ESR1: variants seen among roughly 807,000 people sequenced by gnomAD.
The protein encoded by ESR1 is estrogen receptor.
ESR1 carries 12 observed loss-of-function variants against 52.7 expected under a neutral mutation model. The observed-to-expected ratio is 0.23, with a 90% CI of 0.15 to 0.37. ESR1 has a LOEUF of 0.37. Ranked by LOEUF, ESR1 falls within the 10% of genes least tolerant of loss-of-function variation. The pLI, the probability that ESR1 is intolerant of heterozygous loss-of-function variation, is 1.00. For missense variants in ESR1, 584 were observed against 779.7 expected (o/e 0.75, Z 2.99); for synonymous variants, 305 against 316.8 (o/e 0.96, Z 0.39).
intron 2 of ESR1, among the ~76,000 whole-genome samples, chr6:151,736,854 G>C (rs1367558329): frequency 1.3e-5 from 2 of 152,068 alleles, no homozygotes; most frequent in African/African-American, 4.8e-5. Flanking sequence ...ATTTCGGCAC[G>C]CTGGCTCCTG....
chr6:151,932,980 A>T (rs79621462), intron 3 of ESR1, among the ~76,000 whole-genome samples: 2 of 151,540 alleles, frequency 1.3e-5, no homozygotes, highest in East Asian at 3.9e-4. Flanking sequence ...GTTTTTTCCA[A>T]TTCTGTGAAG....
At chr6:151,851,347 A>T (rs1471666034) in intron 2 of ESR1, among the ~76,000 whole-genome samples, 1 of 152,140 alleles carries the variant, frequency 6.6e-6, no homozygotes, top group Non-Finnish European at 1.5e-5. Flanking sequence ...ATTGTATTGC[A>T]TATATTTGAT....
intron 2 of ESR1, among the ~76,000 whole-genome samples, chr6:151,740,446 T>C (rs1332861887): frequency 6.6e-6 from 1 of 151,714 alleles, no homozygotes; most frequent in African/African-American, 2.4e-5. Context: ...ATTTTCTGTC[T>C]CTTCTGATTG....
At position 152,089,104 on chromosome 6, in the gene ESR1, GAAAC is replaced by G. The variant is rs1416726812; in HGVS notation, c.1370-5269_1370-5266del. 5.3e-5 allele frequency among the ~76,000 whole-genome samples: 8 copies of G among 152,032 alleles called. No individual in the cohort carries two copies. In the East Asian group the frequency reaches 5.8e-4, roughly 11 times the overall value. On this transcript the variant is annotated intron_variant, in intron 6 of 7. Coordinates refer to ENST00000206249, the MANE Select transcript of ESR1 (RefSeq NM_000125.4). ...GAGAAGACAAGATGGATTGGAAAAA[GAAAC>G]AAACAAACAAAAAAACATGTAAGAG...
intron 6 of ESR1, among the ~76,000 whole-genome samples, chr6:152,074,271 C>T (rs140406388): frequency 6.6e-6 from 1 of 152,328 alleles, no homozygotes; most frequent in Non-Finnish European, 1.5e-5. Context: ...CCATTCCTGG[C>T]AACTACTGAT....
intron 3 of ESR1, among the ~76,000 whole-genome samples, chr6:151,883,262 G>A (rs564037598): frequency 5.3e-4 from 80 of 150,902 alleles, no homozygotes; most frequent in African/African-American, 1.9e-3. Flanking sequence ...TGGGACTACA[G>A]GTGTGTGCCA....
chr6:151,872,529 A>T (rs1035868714), intron 2 of ESR1, among the ~76,000 whole-genome samples: 1 of 152,120 alleles, frequency 6.6e-6, no homozygotes, highest in Non-Finnish European at 1.5e-5. Flanking sequence ...AATACTTTTA[A>T]TCCTTCATGT....
At chr6:151,893,772 T>C (rs1029536505) in intron 3 of ESR1, among the ~76,000 whole-genome samples, 6 of 152,198 alleles carry the variant, frequency 3.9e-5, no homozygotes, top group African/African-American at 1.4e-4. Flanking sequence ...AGGAGGCTGC[T>C]GGAGCTGAGG....
intron 2 of ESR1, among the ~76,000 whole-genome samples, chr6:151,754,488 T>C (rs1392888201): frequency 3.9e-5 from 6 of 152,224 alleles, no homozygotes. Context: ...TCTCTCAGGC[T>C]AGTGCCCATA....
intron 3 of ESR1, among the ~76,000 whole-genome samples, chr6:151,925,459 T>C (rs143833507): frequency 3.8e-4 from 58 of 152,138 alleles, no homozygotes; most frequent in African/African-American, 1.1e-3. Context: ...ATACAAAAAT[T>C]AGTCGGACAT....
Position 152,042,785 on chromosome 6 carries a change from TTAAG to T in ESR1, c.1236-18203_1236-18200del, listed in dbSNP as rs200567306. On this transcript the variant is annotated intron_variant, in intron 5 of 7. Transcript: ENST00000206249. ...ATTTCACTTTTTAGGAACACTGAGA[TTAAG>T]TAGCCAATGCCAGAGCTCTACACAA... 2.0e-3 allele frequency among the ~76,000 whole-genome samples: 285 copies of T among 140,456 alleles called. 2 individuals are homozygous for T. Among genetic ancestry groups the T allele is most frequent in the African/African-American group, 6.5e-3 (247 of 37,838 alleles). 92.1% of individuals were successfully genotyped at this position (140,456 alleles called of 152,430 possible).
chr6:151,961,636 C>G (rs1442383181), intron 4 of ESR1, among the ~76,000 whole-genome samples: 1 of 152,032 alleles, frequency 6.6e-6, no homozygotes. Flanking sequence ...GCTTTGGGCA[C>G]ATGTGGTTCT....
intron 6 of ESR1, among the ~76,000 whole-genome samples, chr6:152,117,981 C>T (rs1357748659): frequency 6.6e-6 from 1 of 152,184 alleles, no homozygotes; most frequent in African/African-American, 2.4e-5. Context: ...AGAAAAACAC[C>T]TGTTTCCTGA....
At chr6:151,760,821 A>T (rs1394317124) in intron 2 of ESR1, among the ~76,000 whole-genome samples, 1 of 152,236 alleles carries the variant, frequency 6.6e-6, no homozygotes, top group Non-Finnish European at 1.5e-5. Context: ...TGCTACAGAA[A>T]TTGGTAGACA....
At chr6:151,895,401 C>T (rs1795340282) in intron 3 of ESR1, among the ~76,000 whole-genome samples, 1 of 152,104 alleles carries the variant, frequency 6.6e-6, no homozygotes, top group Admixed American at 6.5e-5. Context: ...TTTCTCTTGT[C>T]TGCTCCGGCT....
chr6:151,844,044 C>CT (rs1244758473), intron 2 of ESR1, among the ~76,000 whole-genome samples: 1 of 151,076 alleles, frequency 6.6e-6, no homozygotes, highest in Non-Finnish European at 1.5e-5. Flanking sequence ...GACACATGGA[C>CT]TTTTTTGTTG....
At chr6:151,979,519 T>C (rs2039791825) in intron 4 of ESR1, among the ~76,000 whole-genome samples, 1 of 152,162 alleles carries the variant, frequency 6.6e-6, no homozygotes, top group Non-Finnish European at 1.5e-5. Flanking sequence ...CTTATTTTAA[T>C]GCCATAAAAC....
At chr6:151,790,113 G>T (rs1787388700) in intron 2 of ESR1, among the ~76,000 whole-genome samples, 1 of 152,148 alleles carries the variant, frequency 6.6e-6, no homozygotes. Flanking sequence ...GTTGTGATGG[G>T]CCTTCTCAGC....
intron 2 of ESR1, among the ~76,000 whole-genome samples, chr6:151,736,317 T>C (rs572916293): frequency 6.6e-6 from 1 of 151,858 alleles, no homozygotes; most frequent in East Asian, 1.9e-4. Flanking sequence ...TTAAAAAGAT[T>C]TTTCTCCTAA....
Sources: allele counts gnomAD v4.1 joint callset (sites outside exome capture counted in the v4.1 genomes callset), GRCh38; gene constraint gnomAD v4.1.1; transcripts MANE v1.5; gene names NCBI Gene and HGNC (gene_info 2026-07-23, HGNC 2026-07-21).